The following EPB42 variants were observed in gnomAD, a reference collection of about 807,000 sequenced individuals.
EPB42 encodes protein 4.2.
In EPB42, 49 loss-of-function variants were observed where a neutral mutation model predicts 76.9. That is an observed-to-expected ratio of 0.64 (90% CI 0.51 to 0.81). The LOEUF (loss-of-function observed/expected upper bound fraction) is 0.81. Among genes scored for constraint, EPB42 ranks in the 30% least tolerant of loss-of-function variants. EPB42 has a pLI of 0.00. For synonymous variants in EPB42, 310 were observed against 338.4 expected, an observed-to-expected ratio of 0.92 and a Z score of 0.92; for missense variants, 731 against 867.6, an observed-to-expected ratio of 0.84 and a Z score of 1.98.
At position 43,203,234 on chromosome 15, in the gene EPB42, G is replaced by A. The variant is rs765829996; in HGVS notation, c.1660C>T (p.Arg554Ter). The change falls in exon 11 of 13, where the codon CGA (arginine) becomes TGA (stop). Residue 554 changes from arginine (R) to a stop codon, truncating the protein, a stop_gained. Transcript: ENST00000441366. LOFTEE classifies it high-confidence loss of function. ...TIGLFFSNFE[R>*]NPPENTFLRL... is the part of the protein sequence containing the mutation. ...AGGAAGGTGTTCTCGGGTGGGTTTC[G>A]CTCAAAATTGGAGAAGAACAGGCCG... 2.1e-5 allele frequency: 34 copies of A among 1,614,026 alleles called. No individual in the cohort carries two copies. The highest frequency in any genetic ancestry group is 2.6e-5 in the Non-Finnish European group (31 of 1,180,040).
At chr15:43,217,536 T>TG (rs1248301727) in intron 1 of EPB42, among the ~76,000 whole-genome samples, 2 of 8,364 alleles carry the variant, frequency 2.4e-4, no homozygotes, top group Admixed American at 8.8e-3. Context: ...GGAACAATGC[T>TG]GGAAAAAAAG....
intron 2 of EPB42, 45 bp downstream of exon 2, chr15:43,216,223 C>G: frequency 2.5e-6 from 4 of 1,606,682 alleles, no homozygotes; most frequent in Non-Finnish European, 3.4e-6. Context: ...GAACAGAGAA[C>G]CCCCCAGGCC....
intron 1 of EPB42, among the ~76,000 whole-genome samples, chr15:43,216,768 T>C (rs1225855781): frequency 2.0e-5 from 3 of 152,200 alleles, no homozygotes; most frequent in African/African-American, 7.2e-5. Context: ...CTTACTCTCA[T>C]TGTTGGCCTC....
intron 3 of EPB42, among the ~76,000 whole-genome samples, chr15:43,212,369 C>CAAAAAAAAAAAAAAAAA (rs35031544): frequency 1.2e-5 from 1 of 86,896 alleles, no homozygotes; most frequent in African/African-American, 4.5e-5. Context: ...AACTCCGTCT[C>CAAAAAAAAAAAAAAAAA]AAAAAAAAAA....
At chr15:43,211,561 G>A (rs2042297187) in intron 3 of EPB42, 27 bp from the exon 4 acceptor site, 1 of 1,458,260 alleles carries the variant, frequency 6.9e-7, no homozygotes, top group Non-Finnish European at 9.6e-7. Context: ...AGGGATGAGG[G>A]CCTGTGGGGG....
Position 43,215,236 on chromosome 15 carries a change from T to C in EPB42, c.289A>G (p.Arg97Gly), listed in dbSNP as rs2042359650. The change falls in exon 3 of 13, where the codon AGA becomes GGA. Residue 97 changes from arginine to glycine, a missense_variant. Coordinates refer to ENST00000441366, the MANE Select transcript of EPB42 (RefSeq NM_001114134.2). ...RKWWSAVVEE[R>G]DAQSWTISVT... ...GAGATGGTCCAGGACTGGGCATCTC[T>C]CTCCTCCACCACTGCACTCCACCAC... 6.2e-7 allele frequency: 1 copy of C among 1,614,052 alleles called. No homozygotes were observed. The highest frequency in any genetic ancestry group is 8.5e-7 in the Non-Finnish European group (1 of 1,180,012).
chr15:43,206,247 G>T lies in EPB42; in HGVS notation c.1618+83C>A. On this transcript the variant is annotated intron_variant, in intron 10 of 12. Coordinates refer to ENST00000441366, the MANE Select transcript of EPB42 (RefSeq NM_001114134.2). The surrounding 1 kb of genome is among the most constrained non-coding windows in gnomAD (Gnocchi z 4.7). ...GCCATCTCTAGAGACTGCAGGGGGT[G>T]CCCTGTGGCTGCTGCCTGCCCAAGG... 1 of 1,427,352 alleles carries T rather than the reference G, an allele frequency of 7.0e-7. No individual in the cohort carries two copies. Among genetic ancestry groups the T allele is most frequent in the Non-Finnish European group, 9.5e-7 (1 of 1,057,884 alleles). 88.4% of individuals were successfully genotyped at this position (1,427,352 alleles called of 1,614,324 possible).
chr15:43,217,130 C>G (rs1269386704), intron 1 of EPB42, among the ~76,000 whole-genome samples: 6 of 152,092 alleles, frequency 3.9e-5, no homozygotes, highest in African/African-American at 7.2e-5. Flanking sequence ...AATTTCAGGT[C>G]GAATTGTAAT....
intron 11 of EPB42, 38 bp from the exon 12 acceptor site, chr15:43,202,015 G>C (rs758404025): frequency 1.2e-6 from 2 of 1,612,924 alleles, no homozygotes; most frequent in South Asian, 2.2e-5. Flanking sequence ...GATGCCAAGG[G>C]CACAGCTGCA....
rs769287308 is a variant in EPB42 at position 43,209,435 on chromosome 15, TC to T, written c.670del (p.Glu224SerfsTer19). ...CTGCGGGGTGGGCAGGACCCTCTGC[TC>T]CTTGAGAAAATGCAGCTGTTTGGGG... is the stretch of plus-strand genomic sequence containing the variant. ...VLGALLHFLKEQRVLPTPQTQ... is the reference protein window; with the variant it reads ...VLGALLHFLKXQRVLPTPQTQ... On this transcript the variant is annotated frameshift_variant, in exon 6 of 13. Transcript: ENST00000441366. LOFTEE classifies it high-confidence loss of function. 6.2e-7 allele frequency: 1 copy of T among 1,611,214 alleles called. No homozygotes were observed. The highest frequency in any genetic ancestry group is 2.2e-5 in the East Asian group (1 of 44,798).
At chr15:43,208,879 G>A in intron 6 of EPB42, 104 bp from the exon 7 acceptor site, 1 of 1,364,240 alleles carries the variant, frequency 7.3e-7, no homozygotes, top group Admixed American at 2.2e-5. Flanking sequence ...TGAAAACTTG[G>A]AAAGAAGAGG....
chr15:43,216,006 C>T (rs114484228), intron 2 of EPB42, among the ~76,000 whole-genome samples: 1,647 of 152,304 alleles, frequency 0.011, 37 homozygotes, highest in African/African-American at 0.038. Context: ...CCAGAATTTT[C>T]TACAAAGCTA....
chr15:43,207,212 G>C lies in EPB42; in HGVS notation c.1305C>G (p.Tyr435Ter), dbSNP rs2042217646. The C allele has an allele frequency of 3.1e-6, 5 of 1,614,028 alleles. No individual in the cohort carries two copies. The highest frequency in any genetic ancestry group is 1.3e-5 in the African/African-American group (1 of 75,034). The change falls in exon 9 of 13, where the codon TAC (tyrosine) becomes TAG (stop). Residue 435 changes from tyrosine to a stop codon, truncating the protein, a stop_gained. Transcript: ENST00000441366. LOFTEE classifies it high-confidence loss of function. ...CCTGGCCCGTACCTTCAGGATACTT[G>C]TAGTTCTGAGTGATGTCCTCGCAGC... ...SDRCEDITQN[Y>*]KYPEGSLQEK...
At chr15:43,221,289 A>G (rs1232472761), upstream of EPB42, among the ~76,000 whole-genome samples, 1 of 152,218 alleles carries the variant, frequency 6.6e-6, no homozygotes, top group Non-Finnish European at 1.5e-5. Flanking sequence ...ATCCAACTCC[A>G]AATCTCAGGC....
At position 43,203,294 on chromosome 15, in the gene EPB42, G is replaced by A. The variant is rs746661087; in HGVS notation, c.1619-19C>T. The A allele has an allele frequency of 1.2e-5, 20 of 1,614,002 alleles. No individual in the cohort carries two copies. The Admixed American group carries it at 1.7e-4, about 13-fold the overall frequency. On this transcript the variant is annotated intron_variant, in intron 10 of 12. Coordinates refer to ENST00000441366, the MANE Select transcript of EPB42 (RefSeq NM_001114134.2). ...ATCTTTTCTGAAACACATGACAGGT[G>A]GAGTCAGTGGCAACAGGTGTATGTA...
At position 43,210,329 on chromosome 15, in the gene EPB42, G is replaced by A. The variant is rs369798244; in HGVS notation, c.654+6C>T. 4.0e-5 allele frequency: 64 copies of A among 1,612,338 alleles called. No individual in the cohort carries two copies. Among genetic ancestry groups the A allele is most frequent in the South Asian group, 3.8e-4 (35 of 91,074 alleles). On this transcript the variant is annotated splice_donor_region_variant and intron_variant, in intron 5 of 12. Coordinates refer to ENST00000441366, the MANE Select transcript of EPB42 (RefSeq NM_001114134.2). ...CCCCATTCTGGTTCCCCAGCCTCTC[G>A]CTTACCAAGGCACCCAACACACGGG...
At chr15:43,224,964 G>A (rs2042494577), upstream of EPB42, among the ~76,000 whole-genome samples, 2 of 152,190 alleles carry the variant, frequency 1.3e-5, no homozygotes, top group South Asian at 4.1e-4. Flanking sequence ...TGTAGAGATG[G>A]GGTCCCACTA....
At chr15:43,220,699 T>G in intron 1 of EPB42, 117 bp downstream of exon 1, 3 of 563,102 alleles carry the variant, frequency 5.3e-6, no homozygotes, top group Non-Finnish European at 9.0e-6. Flanking sequence ...TCCCCCACCA[T>G]AGTTATACCA....
At chr15:43,218,818 G>A (rs1038022546) in intron 1 of EPB42, among the ~76,000 whole-genome samples, 1 of 152,152 alleles carries the variant, frequency 6.6e-6, no homozygotes, top group Non-Finnish European at 1.5e-5. Flanking sequence ...CCCCTTTTAG[G>A]TGGATTCATT....
Sources: allele counts gnomAD v4.1 joint callset (sites outside exome capture counted in the v4.1 genomes callset), GRCh38; gene constraint gnomAD v4.1.1; non-coding constraint Gnocchi (gnomAD v3.1); transcripts MANE v1.5; gene names NCBI Gene and HGNC (gene_info 2026-07-23, HGNC 2026-07-21).